The following ZNF131 variants were observed in gnomAD, a reference collection of about 807,000 sequenced individuals.
ZNF131 encodes the protein zinc finger protein 131.
In ZNF131, 7 loss-of-function variants were observed where a neutral mutation model predicts 60.0. That is an observed-to-expected ratio of 0.12 (90% CI 0.07 to 0.22). The LOEUF (loss-of-function observed/expected upper bound fraction) is 0.22. Ranked by LOEUF, ZNF131 falls within the 10% of genes least tolerant of loss-of-function variation. The pLI is 1.00. For missense variants in ZNF131, 493 were observed against 740.9 expected (o/e 0.67, Z 3.88); for synonymous variants, 257 against 253.2 (o/e 1.01, Z -0.14).
At chr5:43,169,931 C>A (rs1750779176) in intron 5 of ZNF131, among the ~76,000 whole-genome samples, 1 of 152,016 alleles carries the variant, frequency 6.6e-6, no homozygotes, top group South Asian at 2.1e-4. Flanking sequence ...GCTGGGCTTA[C>A]AGGCACCCGC....
intron 2 of ZNF131, among the ~76,000 whole-genome samples, 160 bp from the exon 3 acceptor site, chr5:43,123,049 T>A (rs1481695538): frequency 6.6e-6 from 1 of 152,260 alleles, no homozygotes; most frequent in Non-Finnish European, 1.5e-5. Context: ...TTTGCCAAGA[T>A]AGCTGCCAAG....
Position 43,160,188 on chromosome 5 carries a change from C to CAAAA in ZNF131, c.372-1053_372-1050dup, listed in dbSNP as rs113454923. Among the ~76,000 whole-genome samples, 22 of 125,018 alleles carry CAAAA rather than the reference C, an allele frequency of 1.8e-4. No homozygotes were observed. In the East Asian group the frequency reaches 3.6e-3, roughly 20 times the overall value. The allele number at this position is 125,018 out of a possible 152,430, so 82.0% of individuals were successfully genotyped here. On this transcript the variant is annotated intron_variant, in intron 4 of 6. Coordinates refer to ENST00000682664, the MANE Select transcript of ZNF131 (RefSeq NM_001330707.2). ...GAGACTCCATCTCAAAAAAACAAAACAAAAAAAAAAACAAAAAAAGAAGAA... is the reference window on the plus strand; with the variant it reads ...GAGACTCCATCTCAAAAAAACAAAACAAAAAAAAAAAAAAACAAAAAAAGAAGAA...
Position 43,143,800 on chromosome 5 carries a change from G to A in ZNF131, c.371+4491G>A, listed in dbSNP as rs564438757. Among the ~76,000 whole-genome samples, 3 of 149,538 alleles carry A rather than the reference G, an allele frequency of 2.0e-5. No homozygotes were observed. In the South Asian group the frequency reaches 6.4e-4, roughly 32 times the overall value. On this transcript the variant is annotated intron_variant, in intron 4 of 6. Coordinates refer to ENST00000682664, the MANE Select transcript of ZNF131 (RefSeq NM_001330707.2). ...ACTTCCTGTGTTAACAGAACCTCAA[G>A]GTCAGATAGAGATGAGAGTTGCTAA...
intron 3 of ZNF131, among the ~76,000 whole-genome samples, chr5:43,131,042 T>A (rs1372517701): frequency 6.6e-6 from 1 of 151,692 alleles, no homozygotes; most frequent in Non-Finnish European, 1.5e-5. Flanking sequence ...TTTTTGTATT[T>A]TTAATAGAGA....
chr5:43,130,263 C>CAAAAAAAAAAAAAAAAAAAAAAAAA (rs765959932), intron 3 of ZNF131, among the ~76,000 whole-genome samples: 358 of 33,046 alleles, frequency 0.011, 67 homozygotes, highest in Admixed American at 0.015. Flanking sequence ...GACTCTGTCT[C>CAAAAAAAAAAAAAAAAAAAAAAAAA]CAAAAAAAAA....
intron 4 of ZNF131, among the ~76,000 whole-genome samples, chr5:43,149,903 G>A (rs1344871318): frequency 2.0e-5 from 3 of 151,930 alleles, no homozygotes; most frequent in Non-Finnish European, 4.4e-5. Context: ...CAGCATTGTG[G>A]GGGTCTGAGA....
chr5:43,127,668 G>A (rs1046809691), intron 3 of ZNF131, among the ~76,000 whole-genome samples: 1 of 152,186 alleles, frequency 6.6e-6, no homozygotes, highest in Non-Finnish European at 1.5e-5. Flanking sequence ...CTGTGTTCCT[G>A]GTTAAAGTAA....
Position 43,161,862 on chromosome 5 carries a change from G to A in ZNF131, c.985G>A (p.Val329Ile). ...GCAAAGAACTGGGAAAAAAATTCAT[G>A]TATGTCAGTACTGTGAGAAACAGTT... ...KKQRTGKKIH[V>I]CQYCEKQFDH... is the part of the protein sequence containing the mutation. Residue 329 changes from valine (V) to isoleucine (I), a missense_variant, in exon 5 of 7, where the codon GTA (valine) becomes ATA (isoleucine). Val to Ile is a conservative substitution (Grantham distance 29). This residue lies in a region of ZNF131 where 22 missense variants were observed against 26.7 expected (regional missense o/e 0.82). Coordinates refer to ENST00000682664, the MANE Select transcript of ZNF131 (RefSeq NM_001330707.2). The A allele has an allele frequency of 6.2e-7, 1 of 1,614,048 alleles. No homozygotes were observed. Among genetic ancestry groups the A allele is most frequent in the Non-Finnish European group, 8.5e-7 (1 of 1,180,032 alleles).
intron 3 of ZNF131, chr5:43,124,856 TCTC>T (rs1207252930): frequency 6.8e-6 from 1 of 147,662 alleles, no homozygotes; most frequent in African/African-American, 2.4e-5. Context: ...GGAGACCTCT[TCTC>T]TACAAAAAAT....
chr5:43,174,182 C>G (rs1017517491), intron 6 of ZNF131, among the ~76,000 whole-genome samples: 1 of 152,138 alleles, frequency 6.6e-6, no homozygotes, highest in South Asian at 2.1e-4. Context: ...GAGCCGAGAT[C>G]GCACCATTGC....
At chr5:43,134,693 C>CTTTTTTTTTTTTTTT (rs149464238) in intron 3 of ZNF131, among the ~76,000 whole-genome samples, 39 of 88,362 alleles carry the variant, frequency 4.4e-4, no homozygotes, top group African/African-American at 6.8e-4. Flanking sequence ...TTCTTTTTTT[C>CTTTTTTTTTTTTTTT]TTTTTTTTTT....
intron 3 of ZNF131, among the ~76,000 whole-genome samples, chr5:43,134,888 A>T (rs1350535936): frequency 6.6e-6 from 1 of 150,888 alleles, no homozygotes; most frequent in East Asian, 1.9e-4. Context: ...AGTAGAGATG[A>T]GGTTTCACCA....
At chr5:43,127,438 A>T (rs191936742) in intron 3 of ZNF131, among the ~76,000 whole-genome samples, 121 of 152,366 alleles carry the variant, frequency 7.9e-4, no homozygotes, top group African/African-American at 2.9e-3. Context: ...CTCAGGTTCC[A>T]TTCCAGACCT....
In ZNF131 at chr5:43,135,001, G is replaced by C. The variant is rs993420933; in HGVS notation, c.227-4164G>C. 9.9e-5 allele frequency among the ~76,000 whole-genome samples: 13 copies of C among 131,252 alleles called. No individual in the cohort carries two copies. The Admixed American group carries it at 1.0e-3, about 10-fold the overall frequency. The allele number at this position is 131,252 out of a possible 152,430, so 86.1% of individuals were successfully genotyped here. A position where few individuals can be genotyped will look rare whatever the true frequency, so the allele number is the denominator to read the frequency against. Reference sequence around the variant, plus strand: ...CATGAGCCACCGCGCCCGGCCATCAGTTACATTTTTTTTTGAGACTGAGTT... The same window carrying C: ...CATGAGCCACCGCGCCCGGCCATCACTTACATTTTTTTTTGAGACTGAGTT... On this transcript the variant is annotated intron_variant, in intron 3 of 6. Transcript: ENST00000682664.
chr5:43,153,885 A>G (rs765329682), intron 4 of ZNF131, among the ~76,000 whole-genome samples: 1 of 152,240 alleles, frequency 6.6e-6, no homozygotes, highest in African/African-American at 2.4e-5. Flanking sequence ...AGCTGTCGCC[A>G]TACTCAACAA....
At chr5:43,136,666 T>TG (rs1746156540) in intron 3 of ZNF131, among the ~76,000 whole-genome samples, 1 of 146,266 alleles carries the variant, frequency 6.8e-6, no homozygotes, top group Non-Finnish European at 1.5e-5. Flanking sequence ...TTTTTTTTTT[T>TG]AGTAGAGACG....
At chr5:43,146,563 C>T (rs1747602718) in intron 4 of ZNF131, among the ~76,000 whole-genome samples, 1 of 151,930 alleles carries the variant, frequency 6.6e-6, no homozygotes, top group African/African-American at 2.4e-5. Flanking sequence ...CCACTGCACT[C>T]CAGCCTGGGC....
At chr5:43,153,463 TAAAAAAA>T (rs35596507) in intron 4 of ZNF131, among the ~76,000 whole-genome samples, 26 of 61,164 alleles carry the variant, frequency 4.3e-4, no homozygotes, top group South Asian at 1.5e-3. Flanking sequence ...CCATCTCTAC[TAAAAAAA>T]AAAAAAAAAA....
chr5:43,139,839 A>G (rs774252425), intron 4 of ZNF131, among the ~76,000 whole-genome samples: 4 of 152,222 alleles, frequency 2.6e-5, no homozygotes, highest in Non-Finnish European at 5.9e-5. Context: ...CAGTTACATT[A>G]TTCCTTGTTA....
Sources: gnomAD v4.1 joint callset for allele counts (sites outside exome capture counted in the v4.1 genomes callset) on GRCh38, gnomAD v4.1.1 for gene constraint, gnomAD v4.1.1 regional missense constraint, MANE v1.5 for transcripts, NCBI Gene and HGNC (gene_info 2026-07-23, HGNC 2026-07-21) for gene names.